TSPAN18: variants seen among roughly 807,000 people sequenced by gnomAD.
TSPAN18 encodes tetraspanin 18.
TSPAN18 carries 14 observed loss-of-function variants against 27.3 expected under a neutral mutation model. The ratio of observed to expected loss-of-function variants is 0.51; its 90% CI spans 0.34 to 0.80. The LOEUF is 0.80. TSPAN18 is among the 30% of genes least tolerant of loss of function. The pLI, the probability that TSPAN18 is intolerant of heterozygous loss-of-function variation, is 0.01. For missense variants in TSPAN18, 268 were observed against 323.9 expected (o/e 0.83, Z 1.32); for synonymous variants, 143 against 136.5 (o/e 1.05, Z -0.33).
At chr11:44,839,746 T>TG (rs1238140671) in intron 2 of TSPAN18, among the ~76,000 whole-genome samples, 1 of 152,074 alleles carries the variant, frequency 6.6e-6, no homozygotes, top group Admixed American at 6.5e-5. Flanking sequence ...GTAAGTGTTG[T>TG]GGGGCAGAAG....
intron 2 of TSPAN18, among the ~76,000 whole-genome samples, chr11:44,790,197 ATG>A (rs1393301942): frequency 2.5e-5 from 3 of 118,290 alleles, no homozygotes; most frequent in Admixed American, 8.8e-5. Context: ...GTGTGTGTGC[ATG>A]TGTCTGTGTG....
intron 2 of TSPAN18, among the ~76,000 whole-genome samples, chr11:44,825,143 C>G (rs1471202975): frequency 6.6e-6 from 1 of 152,080 alleles, no homozygotes; most frequent in Non-Finnish European, 1.5e-5. Flanking sequence ...CTGAGTGCTC[C>G]TGCTGACTCC....
intron 1 of TSPAN18, among the ~76,000 whole-genome samples, chr11:44,759,827 C>A (rs1449880013): frequency 6.6e-6 from 1 of 152,200 alleles, no homozygotes; most frequent in Admixed American, 6.5e-5. Flanking sequence ...GGAAAAATCA[C>A]ATGAGCAAAA....
At chr11:44,854,084 GTAAT>G (rs2135195523) in intron 2 of TSPAN18, among the ~76,000 whole-genome samples, 1 of 151,116 alleles carries the variant, frequency 6.6e-6, no homozygotes, top group African/African-American at 2.4e-5. Flanking sequence ...CACTCAGGTA[GTAAT>G]TAAACATCTG....
intron 3 of TSPAN18, among the ~76,000 whole-genome samples, chr11:44,861,200 G>C (rs1462395907): frequency 4.6e-5 from 7 of 151,986 alleles, no homozygotes; most frequent in African/African-American, 7.3e-5. Context: ...CCAGACTGAC[G>C]CCTTGCTCAT....
At chr11:44,926,255 G>T in intron 8 of TSPAN18, 1 of 175,996 alleles carries the variant, frequency 5.7e-6, no homozygotes, top group Non-Finnish European at 1.2e-5. Flanking sequence ...GTGGAGTGCT[G>T]TGGATCCCCA....
intron 1 of TSPAN18, among the ~76,000 whole-genome samples, chr11:44,743,941 A>G (rs747966739): frequency 2.6e-5 from 4 of 152,090 alleles, no homozygotes; most frequent in Admixed American, 6.5e-5. Flanking sequence ...GCTGTTAGGG[A>G]ATTTTTAGAT....
chr11:44,775,196 A>G (rs1323829088), intron 2 of TSPAN18, among the ~76,000 whole-genome samples: 1 of 152,216 alleles, frequency 6.6e-6, no homozygotes, highest in Admixed American at 6.5e-5. Context: ...CTCAATTTTT[A>G]GCATAAATCT....
At chr11:44,728,273 G>A (rs955246853) in intron 1 of TSPAN18, among the ~76,000 whole-genome samples, 5 of 152,250 alleles carry the variant, frequency 3.3e-5, no homozygotes, top group Non-Finnish European at 7.3e-5. Flanking sequence ...AGGGCAAATG[G>A]ATGAGTAAGA....
chr11:44,916,605 A>C (rs1859919854), intron 5 of TSPAN18, among the ~76,000 whole-genome samples: 1 of 152,068 alleles, frequency 6.6e-6, no homozygotes, highest in South Asian at 2.1e-4. Flanking sequence ...TGGCAAGAAA[A>C]CTGAGGCTGG....
At chr11:44,914,892 A>G (rs1859849721) in intron 5 of TSPAN18, among the ~76,000 whole-genome samples, 1 of 152,096 alleles carries the variant, frequency 6.6e-6, no homozygotes, top group African/African-American at 2.4e-5. Flanking sequence ...TTCGGGAAGG[A>G]TGTGCTTCCT....
At chr11:44,792,571 C>G (rs757310635) in intron 2 of TSPAN18, among the ~76,000 whole-genome samples, 6 of 152,178 alleles carry the variant, frequency 3.9e-5, no homozygotes, top group Non-Finnish European at 8.8e-5. Flanking sequence ...AGTGGCAGAC[C>G]TTGCGCAGGG....
At position 44,760,347 on chromosome 11, in the gene TSPAN18, A is replaced by G. The variant is rs190628379; in HGVS notation, c.-239-4079A>G. 4.4e-4 allele frequency among the ~76,000 whole-genome samples: 67 copies of G among 152,358 alleles called. 1 individual carries two copies. The East Asian group carries it at 0.013, about 29-fold the overall frequency. On this transcript the variant is annotated intron_variant, in intron 1 of 9. Transcript: ENST00000520358. Reference sequence around the variant, plus strand: ...AACAGTAAGGAGGGTGAGCCCAGCCAGGGACTGGCAGGTTCTATGAGGATG... The same window carrying G: ...AACAGTAAGGAGGGTGAGCCCAGCCGGGGACTGGCAGGTTCTATGAGGATG...
intron 1 of TSPAN18, among the ~76,000 whole-genome samples, chr11:44,750,447 T>G (rs1054274774): frequency 6.6e-6 from 1 of 152,216 alleles, no homozygotes; most frequent in Non-Finnish European, 1.5e-5. Context: ...TGCAGGTGTT[T>G]GGAGACCCAG....
chr11:44,900,680 C>CTTTTTTTTTTTTTTTTTTT lies in TSPAN18; in HGVS notation c.-10-5714_-10-5696dup. Among the ~76,000 whole-genome samples, 2 of 49,702 alleles carry CTTTTTTTTTTTTTTTTTTT rather than the reference C, an allele frequency of 4.0e-5. 1 individual carries two copies. Among genetic ancestry groups the CTTTTTTTTTTTTTTTTTTT allele is most frequent in the African/African-American group, 1.8e-4 (2 of 11,114 alleles). The allele number at this position is 49,702 out of a possible 152,430, so 32.6% of individuals were successfully genotyped here. ...TATTTTCCATACAACTTGAGGAAGG[C>CTTTTTTTTTTTTTTTTTTT]TTTTTTTTTTTTTTTTTTTTTTTTT... On this transcript the variant is annotated intron_variant, in intron 3 of 9. Transcript: ENST00000520358.
intron 5 of TSPAN18, among the ~76,000 whole-genome samples, chr11:44,915,931 C>T (rs1237906368): frequency 1.3e-5 from 2 of 152,194 alleles, no homozygotes; most frequent in African/African-American, 4.8e-5. Flanking sequence ...AGTGAGACCT[C>T]AGGGGCTCAG....
intron 3 of TSPAN18, among the ~76,000 whole-genome samples, chr11:44,882,827 AC>A (rs1349096828): frequency 6.6e-6 from 1 of 151,768 alleles, no homozygotes; most frequent in Non-Finnish European, 1.5e-5. Context: ...AGACCCCCAG[AC>A]CCCCAGACCC....
At chr11:44,763,138 G>A (rs1310310174) in intron 1 of TSPAN18, among the ~76,000 whole-genome samples, 2 of 152,184 alleles carry the variant, frequency 1.3e-5, no homozygotes, top group Non-Finnish European at 2.9e-5. Flanking sequence ...GGGGCATCAG[G>A]TTGATCATCA....
intron 3 of TSPAN18, among the ~76,000 whole-genome samples, chr11:44,896,067 T>G (rs566450459): frequency 3.2e-4 from 48 of 152,246 alleles, no homozygotes; most frequent in African/African-American, 1.1e-3. Context: ...CCCCGGCACA[T>G]AGTAGCAACT....
Sources: gnomAD v4.1 joint callset for allele counts (sites outside exome capture counted in the v4.1 genomes callset) on GRCh38, gnomAD v4.1.1 for gene constraint, MANE v1.5 for transcripts, NCBI Gene and HGNC (gene_info 2026-07-23, HGNC 2026-07-21) for gene names.